The following TSEN15 variants were observed in gnomAD, a reference collection of about 807,000 sequenced individuals.
The protein encoded by TSEN15 is tRNA splicing endonuclease subunit 15.
TSEN15 carries 10 observed loss-of-function variants against 20.5 expected under a neutral mutation model. That is an observed-to-expected ratio of 0.49 (90% confidence interval 0.30 to 0.83). The LOEUF is 0.83. Among genes scored for constraint, TSEN15 ranks in the 40% least tolerant of loss-of-function variants. The pLI, the probability that TSEN15 is intolerant of heterozygous loss-of-function variation, is 0.06. For synonymous variants in TSEN15, 72 were observed against 80.1 expected (o/e 0.90, Z 0.54); for missense variants, 180 against 218.6 (o/e 0.82, Z 1.11).
intron 3 of TSEN15, among the ~76,000 whole-genome samples, chr1:184,067,941 A>AAAAAAAAT (rs1400681024): frequency 9.4e-5 from 9 of 95,570 alleles, no homozygotes; most frequent in African/African-American, 2.5e-4. Context: ...AAAAAAAAAA[A>AAAAAAAAT]ATATATATAT....
downstream of TSEN15, among the ~76,000 whole-genome samples, chr1:184,079,203 G>A (rs1462575722): frequency 1.3e-5 from 2 of 152,004 alleles, no homozygotes; most frequent in African/African-American, 4.8e-5. Context: ...CTAGTAGGTG[G>A]GTGTGCTATT....
rs571844427 is a variant in TSEN15 at position 184,074,187 on chromosome 1, A to G, written c.*1340A>G. On this transcript the variant is annotated 3_prime_UTR_variant, in exon 5 of 5. Transcript: ENST00000645668. ...TTCTCAATGTTTTTATTTGTATTTT[A>G]TAATAAAAATGTTTTAAAATTAAAA... 45 of 152,314 alleles carry G rather than the reference A, an allele frequency of 3.0e-4. No individual in the cohort carries two copies. Among genetic ancestry groups the G allele is most frequent in the African/African-American group, 8.9e-4 (37 of 41,584 alleles). The allele number at this position is 152,314 out of a possible 1,614,324, so 9.4% of individuals were successfully genotyped here.
At chr1:184,064,960 T>C (rs752207203) in intron 3 of TSEN15, among the ~76,000 whole-genome samples, 12 of 152,156 alleles carry the variant, frequency 7.9e-5, no homozygotes, top group Non-Finnish European at 1.3e-4. Flanking sequence ...CAAATTTTTA[T>C]CTCCATCCCA....
intron 3 of TSEN15, 31 bp downstream of exon 3, chr1:184,054,894 T>C (rs1320919133): frequency 3.8e-6 from 6 of 1,599,124 alleles, no homozygotes; most frequent in Non-Finnish European, 5.1e-6. Context: ...TAAGTTCCTT[T>C]CCCGAGTAAA....
At chr1:184,056,036 T>C (rs1650240161) in intron 3 of TSEN15, among the ~76,000 whole-genome samples, 1 of 151,980 alleles carries the variant, frequency 6.6e-6, no homozygotes, top group East Asian at 1.9e-4. Context: ...TTACTAAAAT[T>C]CATCCATTCT....
Position 184,054,335 on chromosome 1 carries a change from A to G in TSEN15, c.136-19A>G. The G allele has an allele frequency of 6.9e-7, 1 of 1,441,588 alleles. No homozygotes were observed. The highest frequency in any genetic ancestry group is 9.6e-7 in the Non-Finnish European group (1 of 1,037,304). The allele number at this position is 1,441,588 out of a possible 1,614,324, so 89.3% of individuals were successfully genotyped here. A position where few individuals can be genotyped will look rare whatever the true frequency, so the allele number is the denominator to read the frequency against. On this transcript the variant is annotated intron_variant, in intron 1 of 4. Transcript: ENST00000645668. ...ATAATTTTTTCTTCTCAATTTGACAATTATATTTTAATTTTCAGTATCTAG... is the reference window on the plus strand; with the variant it reads ...ATAATTTTTTCTTCTCAATTTGACAGTTATATTTTAATTTTCAGTATCTAG...
At chr1:184,063,858 AATTT>A (rs1474569891) in intron 3 of TSEN15, among the ~76,000 whole-genome samples, 2 of 152,054 alleles carry the variant, frequency 1.3e-5, no homozygotes, top group Non-Finnish European at 2.9e-5. Context: ...GAAAATTAAA[AATTT>A]ATTTATTGTT....
chr1:184,080,309 A>C (rs1651142814), intron 3 of TSEN15, among the ~76,000 whole-genome samples: 1 of 152,194 alleles, frequency 6.6e-6, no homozygotes, highest in Non-Finnish European at 1.5e-5. Flanking sequence ...TCCTCATAAG[A>C]TAGAGAAATT....
At position 184,073,976 on chromosome 1, in the gene TSEN15, TAATG is replaced by T. The variant is rs1572717342; in HGVS notation, c.*1133_*1136del. 6.6e-6 allele frequency: 1 copy of T among 152,276 alleles called. No individual in the cohort carries two copies. The highest frequency in any genetic ancestry group is 1.9e-4 in the East Asian group (1 of 5,184). 9.4% of individuals were successfully genotyped at this position (152,276 alleles called of 1,614,324 possible). On this transcript the variant is annotated 3_prime_UTR_variant, in exon 5 of 5. Transcript: ENST00000645668. The stretch of plus-strand genomic sequence containing the variant: ...ACATAATGTACTTATTAAAAATTAG[TAATG>T]AATATTATTAAAAACATGAAAATAT...
chr1:184,080,726 C>T (rs1027360009), intron 3 of TSEN15, among the ~76,000 whole-genome samples: 5 of 152,090 alleles, frequency 3.3e-5, no homozygotes, highest in Non-Finnish European at 4.4e-5. Flanking sequence ...TAAAGAAGAA[C>T]TCAGAAAGTT....
chr1:184,097,321 G>C (rs140198443), exon 4 of TSEN15: 1 of 152,112 alleles, frequency 6.6e-6, no homozygotes, highest in Non-Finnish European at 1.5e-5. Flanking sequence ...AATCAGTGTT[G>C]TCCAACTGTC....
chr1:184,063,367 G>C (rs565785332), intron 3 of TSEN15, among the ~76,000 whole-genome samples: 3 of 152,206 alleles, frequency 2.0e-5, no homozygotes, highest in East Asian at 3.9e-4. Context: ...TTTAAAAGTT[G>C]GTTTGAATAA....
chr1:184,084,446 A>G (rs1478806263), intron 3 of TSEN15, among the ~76,000 whole-genome samples: 1 of 151,538 alleles, frequency 6.6e-6, no homozygotes, highest in Non-Finnish European at 1.5e-5. Context: ...CCTTTTGATT[A>G]TTATCCATAA....
At chr1:184,079,293 A>G (rs1392808500) in intron 3 of TSEN15, among the ~76,000 whole-genome samples, 2 of 152,182 alleles carry the variant, frequency 1.3e-5, no homozygotes, top group African/African-American at 2.4e-5. Flanking sequence ...GTTTCTGGGT[A>G]CTAAGGGGAA....
At chr1:184,074,271 A>G (rs1387560109), downstream of TSEN15, 1 of 152,184 alleles carries the variant, frequency 6.6e-6, no homozygotes, top group Admixed American at 6.5e-5. Flanking sequence ...CCACAAATGT[A>G]GCAACTTAAA....
intron 3 of TSEN15, chr1:184,095,389 G>T: frequency 5.3e-6 from 2 of 380,626 alleles, no homozygotes; most frequent in Non-Finnish European, 9.3e-6. Flanking sequence ...AATGCCCCTG[G>T]CTTCCCACAC....
intron 3 of TSEN15, among the ~76,000 whole-genome samples, chr1:184,069,547 A>G (rs893448578): frequency 6.6e-6 from 1 of 152,132 alleles, no homozygotes; most frequent in Admixed American, 6.6e-5. Flanking sequence ...AGCTTGTTAG[A>G]AATTAAGTGA....
chr1:184,080,275 T>C (rs1651142219), intron 3 of TSEN15, among the ~76,000 whole-genome samples: 1 of 152,228 alleles, frequency 6.6e-6, no homozygotes, highest in Admixed American at 6.5e-5. Flanking sequence ...GAGCTGATGT[T>C]ACTTACATGT....
intron 3 of TSEN15, among the ~76,000 whole-genome samples, chr1:184,065,765 C>T (rs1227788621): frequency 2.6e-5 from 4 of 152,148 alleles, no homozygotes; most frequent in African/African-American, 9.7e-5. Flanking sequence ...TGATGTTGAG[C>T]ATCTTTTCAT....
Sources: allele counts gnomAD v4.1 joint callset (sites outside exome capture counted in the v4.1 genomes callset), GRCh38; gene constraint gnomAD v4.1.1; transcripts MANE v1.5; gene names NCBI Gene and HGNC (gene_info 2026-07-23, HGNC 2026-07-21).